NBEA: variants seen among roughly 807,000 people sequenced by gnomAD.
NBEA encodes neurobeachin.
In NBEA, 44 loss-of-function variants were observed where a neutral mutation model predicts 343.4. The ratio of observed to expected loss-of-function variants is 0.13; its 90% CI spans 0.10 to 0.16. The LOEUF is 0.16. Ranked by LOEUF, NBEA falls within the 10% of genes least tolerant of loss-of-function variation. The probability of loss-of-function intolerance (pLI) is 1.00; values close to 1 mark genes in which losing one functional copy is unlikely to be tolerated. For synonymous variants in NBEA, 1,175 were observed against 1,238.7 expected (o/e 0.95, Z 1.08); for missense variants, 2,555 against 3,631.3 (o/e 0.70, Z 7.62).
At chr13:35,403,935 G>A (rs564314837) in intron 38 of NBEA, among the ~76,000 whole-genome samples, 22 of 152,108 alleles carry the variant, frequency 1.4e-4, no homozygotes, top group Non-Finnish European at 3.1e-4. Context: ...TCAAAAAGTG[G>A]GCGAAGGACA....
At chr13:35,476,658 A>G (rs1007304396) in intron 41 of NBEA, 43 of 572,898 alleles carry the variant, frequency 7.5e-5, no homozygotes, top group Admixed American at 1.2e-4. Context: ...GTGCGTGTGT[A>G]TATGTCAGAA....
At chr13:35,030,870 A>T (rs541703031) in intron 1 of NBEA, among the ~76,000 whole-genome samples, 3 of 151,720 alleles carry the variant, frequency 2.0e-5, no homozygotes, top group Non-Finnish European at 4.4e-5. Flanking sequence ...TTTGGCTGCG[A>T]AAGATGTACA....
intron 49 of NBEA, among the ~76,000 whole-genome samples, chr13:35,640,542 T>A (rs2083896783): frequency 6.6e-6 from 1 of 152,160 alleles, no homozygotes; most frequent in Non-Finnish European, 1.5e-5. Context: ...TCAAGAGAAC[T>A]TGTTAAGTAA....
At chr13:35,051,609 ATATT>A (rs1311043791) in intron 6 of NBEA, among the ~76,000 whole-genome samples, 13 of 152,020 alleles carry the variant, frequency 8.6e-5, no homozygotes, top group African/African-American at 3.1e-4. Context: ...CTGAATAAAT[ATATT>A]CATTCATTAT....
rs751845504 is a variant in NBEA at position 35,192,047 on chromosome 13, G to A, written c.4928-3817G>A. 2.0e-5 allele frequency among the ~76,000 whole-genome samples: 3 copies of A among 152,024 alleles called. No homozygotes were observed. In the South Asian group the frequency reaches 6.2e-4, roughly 32 times the overall value. On this transcript the variant is annotated intron_variant, in intron 30 of 58. Transcript: ENST00000379939. ...CATCCAAATGCCTGTTTCTGACAAG[G>A]TTAAGATCACTCTGGCTAGTAATGT...
chr13:35,201,049 A>G (rs1332007873), intron 31 of NBEA, among the ~76,000 whole-genome samples: 2 of 152,050 alleles, frequency 1.3e-5, no homozygotes, highest in East Asian at 1.9e-4. Flanking sequence ...CACTTAAAAG[A>G]TGAACAAATA....
rs1017537239 is a variant in NBEA, at chr13:35,424,184, T to A, written c.6180-8085T>A. 9.9e-5 allele frequency among the ~76,000 whole-genome samples: 15 copies of A among 152,056 alleles called. No individual in the cohort carries two copies. The South Asian group carries it at 1.0e-3, about 11-fold the overall frequency. On this transcript the variant is annotated intron_variant, in intron 38 of 58. Transcript: ENST00000379939. ...TGCCCTGGCCAGAACTTCCAACACA[T>A]TGTTGAATAGGAGTGGTGAGAGAGG...
chr13:35,305,686 A>G (rs1373405005), intron 35 of NBEA, among the ~76,000 whole-genome samples: 2 of 152,186 alleles, frequency 1.3e-5, no homozygotes, highest in African/African-American at 2.4e-5. Context: ...GTAGAGCAGA[A>G]CACAGACAGT....
chr13:35,234,696 A>T (rs1026881184), intron 34 of NBEA, among the ~76,000 whole-genome samples: 1 of 152,120 alleles, frequency 6.6e-6, no homozygotes, highest in Admixed American at 6.6e-5. Context: ...TTATGAGGAC[A>T]CAGGTTTGAA....
At chr13:35,185,392 C>G (rs767122748) in intron 30 of NBEA, 24 of 152,206 alleles carry the variant, frequency 1.6e-4, no homozygotes, top group African/African-American at 5.5e-4. Context: ...ATTTTTGTTA[C>G]AACTTGATGA....
chr13:35,588,144 A>G (rs992342886), intron 46 of NBEA, among the ~76,000 whole-genome samples: 3 of 152,108 alleles, frequency 2.0e-5, no homozygotes, highest in Admixed American at 2.0e-4. Flanking sequence ...GTGCATCTCA[A>G]TTTGAACTAG....
At position 35,672,559 on chromosome 13, in the gene NBEA, G is replaced by A. The variant is rs1243095271; in HGVS notation, c.*1568G>A. On this transcript the variant is annotated 3_prime_UTR_variant, in exon 59 of 59. Coordinates refer to ENST00000379939, the MANE Select transcript of NBEA (RefSeq NM_001385012.1). The stretch of plus-strand genomic sequence containing the variant: ...ATCTTGAGTTTGTAGCTTAGAATTG[G>A]GAGGATACTTAACATCTGGAAGACA... 2 of 152,606 alleles carry A rather than the reference G, an allele frequency of 1.3e-5. No individual in the cohort carries two copies. Among genetic ancestry groups the A allele is most frequent in the African/African-American group, 2.4e-5 (1 of 41,426 alleles). 9.5% of individuals were successfully genotyped at this position (152,606 alleles called of 1,614,324 possible). A position where few individuals can be genotyped will look rare whatever the true frequency, so the allele number is the denominator to read the frequency against.
At chr13:35,571,989 TC>T (rs1430549955) in intron 45 of NBEA, among the ~76,000 whole-genome samples, 6 of 152,142 alleles carry the variant, frequency 3.9e-5, no homozygotes, top group African/African-American at 9.7e-5. Context: ...TTTAGACCTC[TC>T]ATTTGATTAG....
intron 18 of NBEA, among the ~76,000 whole-genome samples, chr13:35,150,393 C>A (rs1011166305): frequency 2.0e-5 from 3 of 151,960 alleles, no homozygotes; most frequent in Non-Finnish European, 4.4e-5. Context: ...AATGACAGGG[C>A]AGTGGATTAC....
At chr13:34,952,289 A>G (rs960102550) in intron 1 of NBEA, among the ~76,000 whole-genome samples, 1 of 152,216 alleles carries the variant, frequency 6.6e-6, no homozygotes, top group Non-Finnish European at 1.5e-5. Context: ...TCCCATAGAC[A>G]ACTTAGGACA....
chr13:35,595,057 T>C (rs191587668), intron 47 of NBEA, among the ~76,000 whole-genome samples: 14 of 151,776 alleles, frequency 9.2e-5, no homozygotes, highest in African/African-American at 3.4e-4. Context: ...ATTCTAATTT[T>C]TATATACAGT....
chr13:35,475,359 A>G, intron 41 of NBEA: 3 of 1,613,940 alleles, frequency 1.9e-6, no homozygotes, highest in Non-Finnish European at 2.5e-6. Context: ...GTTCAAGGTG[A>G]CGATCCCTTA....
At chr13:35,072,078 T>A (rs1484281221) in intron 10 of NBEA, among the ~76,000 whole-genome samples, 1 of 152,084 alleles carries the variant, frequency 6.6e-6, no homozygotes. Flanking sequence ...AGTGGAAAAA[T>A]CAAACTTTAA....
At chr13:34,992,145 A>C (rs2060774019) in intron 1 of NBEA, among the ~76,000 whole-genome samples, 1 of 148,848 alleles carries the variant, frequency 6.7e-6, no homozygotes, top group South Asian at 2.1e-4. Flanking sequence ...TTTTAAATTT[A>C]TATATTTCAC....
Sources: gnomAD v4.1 joint callset for allele counts (sites outside exome capture counted in the v4.1 genomes callset) on GRCh38, gnomAD v4.1.1 for gene constraint, MANE v1.5 for transcripts, NCBI Gene and HGNC (gene_info 2026-07-23, HGNC 2026-07-21) for gene names.